Variants in HMCN2 observed in about 807,000 individuals in gnomAD.
HMCN2 encodes hemicentin 2.
HMCN2 carries 325 observed loss-of-function variants against 377.5 expected under a neutral mutation model. The observed-to-expected ratio is 0.86, with a 90% CI of 0.79 to 0.94. The LOEUF is 0.94. Among genes scored for constraint, HMCN2 ranks in the 40% least tolerant of loss-of-function variants. The pLI, the probability that HMCN2 is intolerant of heterozygous loss-of-function variation, is 0.00. For missense variants in HMCN2, 4,543 were observed against 4,725.3 expected (o/e 0.96, Z 1.13); for synonymous variants, 2,007 against 2,046.8 (o/e 0.98, Z 0.53).
At chr9:130,293,279 G>GTTTTTTTTTTTTGTTT (rs1835903149) in intron 4 of HMCN2, among the ~76,000 whole-genome samples, 1 of 57,126 alleles carries the variant, frequency 1.8e-5, no homozygotes, top group Non-Finnish European at 2.7e-5. Flanking sequence ...ACTCACTAAA[G>GTTTTTTTTTTTTGTTT]TTTTTTTTTT....
In HMCN2 at chr9:130,379,238, C is replaced by T; in HGVS notation, c.8213-11C>T. 1 of 979,092 alleles carries T rather than the reference C, an allele frequency of 1.0e-6. No homozygotes were observed. Among genetic ancestry groups the T allele is most frequent in the Non-Finnish European group, 1.2e-6 (1 of 823,866 alleles). 60.7% of individuals were successfully genotyped at this position (979,092 alleles called of 1,614,324 possible). A position where few individuals can be genotyped will look rare whatever the true frequency, so the allele number is the denominator to read the frequency against. On this transcript the variant is annotated splice_polypyrimidine_tract_variant and intron_variant, in intron 53 of 97. Coordinates refer to ENST00000683500, the MANE Select transcript of HMCN2 (RefSeq NM_001291815.2). ...GCTGTGCTTCCTAAGGGCTTTGTCT[C>T]CCCCACCCAGTGCCCCCCATGTTCC...
chr9:130,314,341 G>A (rs1031206604), intron 15 of HMCN2, among the ~76,000 whole-genome samples: 2 of 152,192 alleles, frequency 1.3e-5, no homozygotes, highest in African/African-American at 4.8e-5. Context: ...TAGGGGTCCA[G>A]GATGCTTTTC....
chr9:130,416,100 A>AT (rs34382467), intron 85 of HMCN2, among the ~76,000 whole-genome samples: 11,619 of 129,450 alleles, frequency 0.09, 827 homozygotes, highest in African/African-American at 0.14. Context: ...TAGAGGCTTT[A>AT]TTTTTTTTTT....
At chr9:130,312,821 A>G (rs879111434) in intron 15 of HMCN2, among the ~76,000 whole-genome samples, 67,295 of 150,794 alleles carry the variant, frequency 0.45, 15,837 homozygotes, top group Non-Finnish European at 0.53. Context: ...GTGCGTCACC[A>G]TGCCCAGCTA....
chr9:130,391,282 A>T lies in HMCN2; in HGVS notation c.9746A>T (p.Glu3249Val), dbSNP rs1842307537. The T allele has an allele frequency of 1.0e-6, 1 of 987,540 alleles. No individual in the cohort carries two copies. The highest frequency in any genetic ancestry group is 1.7e-5 in the African/African-American group (1 of 57,308). The allele number at this position is 987,540 out of a possible 1,614,324, so 61.2% of individuals were successfully genotyped here. A position where few individuals can be genotyped will look rare whatever the true frequency, so the allele number is the denominator to read the frequency against. Reference sequence around the variant, plus strand: ...GGGCAGGAGGTGCGGCTGGACTGTGAGGCCGATGGGCAGCCGCCGCCGGAC... The same window carrying T: ...GGGCAGGAGGTGCGGCTGGACTGTGTGGCCGATGGGCAGCCGCCGCCGGAC... ...LEGQEVRLDC[E>V]ADGQPPPDVA... The change falls in exon 64 of 98, where the codon GAG (glutamate) becomes GTG (valine). Residue 3249 changes from glutamate (E) to valine (V), a missense_variant. Physicochemically the swap from Glu to Val is moderately radical, Grantham distance 121. Transcript: ENST00000683500.
Position 130,408,840 on chromosome 9 carries a change from G to A in HMCN2, c.12786G>A (p.Pro4262=), listed in dbSNP as rs564433700. 4.3e-5 allele frequency: 56 copies of A among 1,289,740 alleles called. No individual in the cohort carries two copies. In the African/African-American group the frequency reaches 5.0e-4, roughly 12 times the overall value. The allele number at this position is 1,289,740 out of a possible 1,614,324, so 79.9% of individuals were successfully genotyped here. Residue 4262 remains proline, a synonymous_variant, in exon 84 of 98, where the codon CCG becomes CCA. Coordinates refer to ENST00000683500, the MANE Select transcript of HMCN2 (RefSeq NM_001291815.2). ...LDCVVRGDPV[P]DIHWIKDGLP... is the part of the protein sequence containing the mutation. Reference sequence around the variant, plus strand: ...GTGTGGTGCGTGGAGACCCAGTGCCGGACATCCACTGGATCAAAGATGGCC... The same window carrying A: ...GTGTGGTGCGTGGAGACCCAGTGCCAGACATCCACTGGATCAAAGATGGCC...
chr9:130,380,171 C>T (rs982040036), intron 54 of HMCN2, among the ~76,000 whole-genome samples: 28 of 152,242 alleles, frequency 1.8e-4, no homozygotes, highest in African/African-American at 5.3e-4. Context: ...TGAGCCACCA[C>T]GCTCAGCCAG....
At chr9:130,355,653 C>A in intron 32 of HMCN2, 93 bp from the exon 33 acceptor site, 1 of 659,952 alleles carries the variant, frequency 1.5e-6, no homozygotes, top group Non-Finnish European at 2.5e-6. Context: ...TGAGGTGCAG[C>A]TGGGCCTCGC....
In HMCN2 at chr9:130,407,720, C is replaced by T. The variant is rs1402322138; in HGVS notation, c.12688+15C>T. The T allele has an allele frequency of 8.4e-7, 1 of 1,194,538 alleles. No individual in the cohort carries two copies. The highest frequency in any genetic ancestry group is 1.6e-5 in the African/African-American group (1 of 61,958). 74.0% of individuals were successfully genotyped at this position (1,194,538 alleles called of 1,614,324 possible). A position where few individuals can be genotyped will look rare whatever the true frequency, so the allele number is the denominator to read the frequency against. ...CCACGTGAAGGGTAGGGCACATTCC[C>T]CAGGTGGCTTCTCTCTCAAGACCTC... On this transcript the variant is annotated intron_variant, in intron 83 of 97. Coordinates refer to ENST00000683500, the MANE Select transcript of HMCN2 (RefSeq NM_001291815.2).
chr9:130,354,830 G>A lies in HMCN2; in HGVS notation c.4932G>A (p.Val1644=). ...TGAAGGCTGTGGCTGGGAGGCCTGT[G>A]GCGCTGGAGTGCGTGGCCAGAGGCC... ...YVVKAVAGRP[V]ALECVARGHP... The change falls in exon 32 of 98, where the codon GTG becomes GTA. Residue 1644 remains valine, a synonymous_variant. Transcript: ENST00000683500. 1 of 1,304,232 alleles carries A rather than the reference G, an allele frequency of 7.7e-7. No individual in the cohort carries two copies. The highest frequency in any genetic ancestry group is 1.0e-6 in the Non-Finnish European group (1 of 988,918). 80.8% of individuals were successfully genotyped at this position (1,304,232 alleles called of 1,614,324 possible).
chr9:130,349,690 C>T (rs763948792), intron 29 of HMCN2, 27 bp downstream of exon 29: 27 of 1,295,936 alleles, frequency 2.1e-5, no homozygotes, highest in Non-Finnish European at 1.0e-5. Context: ...CCGAGGATGG[C>T]GTGTGGTGGT....
At chr9:130,348,869 G>A (rs577362144) in intron 27 of HMCN2, 115 bp from the exon 28 acceptor site, 15 of 1,206,510 alleles carry the variant, frequency 1.2e-5, no homozygotes, top group Non-Finnish European at 1.5e-5. Context: ...GTGGCAGAGA[G>A]CATGGCACCG....
At chr9:130,368,225 C>T (rs1840800979) in intron 43 of HMCN2, 51 bp from the exon 44 acceptor site, 2 of 974,622 alleles carry the variant, frequency 2.1e-6, no homozygotes, top group South Asian at 9.5e-5. Context: ...GGAAAGACAT[C>T]ACGTCCTTGC....
chr9:130,269,618 T>G (rs147223073), intron 1 of HMCN2, among the ~76,000 whole-genome samples: 1 of 148,624 alleles, frequency 6.7e-6, no homozygotes, highest in Non-Finnish European at 1.5e-5. Flanking sequence ...GAAAATGATA[T>G]CTTCTTGTTT....
At chr9:130,419,657 T>TC (rs1434599793) in intron 86 of HMCN2, 9 of 152,222 alleles carry the variant, frequency 5.9e-5, no homozygotes, top group Non-Finnish European at 8.8e-5. Context: ...TGGGGATGTG[T>TC]CCCCTTCCCT....
chr9:130,390,940 G>T, intron 62 of HMCN2, 37 bp from the exon 63 acceptor site: 3 of 985,982 alleles, frequency 3.0e-6, no homozygotes, highest in Non-Finnish European at 3.6e-6. Flanking sequence ...AGCACAAGAA[G>T]GGGCTGGGGG....
At chr9:130,388,873 G>A (rs765900543) in intron 62 of HMCN2, among the ~76,000 whole-genome samples, 7 of 152,312 alleles carry the variant, frequency 4.6e-5, no homozygotes, top group Middle Eastern at 3.4e-3. Flanking sequence ...GCTGACACTG[G>A]GCTCAGCATT....
At chr9:130,421,541 C>T (rs1261649628) in intron 86 of HMCN2, among the ~76,000 whole-genome samples, 1 of 152,130 alleles carries the variant, frequency 6.6e-6, no homozygotes, top group Admixed American at 6.5e-5. Flanking sequence ...GCTTGCCTGC[C>T]GTGCCTGGGT....
At chr9:130,420,630 C>T (rs1307370898) in intron 86 of HMCN2, among the ~76,000 whole-genome samples, 1 of 151,908 alleles carries the variant, frequency 6.6e-6, no homozygotes, top group Non-Finnish European at 1.5e-5. Context: ...GGTCTCTCTC[C>T]CAGGGTCTTG....
Sources: gnomAD v4.1 joint callset for allele counts (sites outside exome capture counted in the v4.1 genomes callset) on GRCh38, gnomAD v4.1.1 for gene constraint, MANE v1.5 for transcripts, NCBI Gene and HGNC (gene_info 2026-07-23, HGNC 2026-07-21) for gene names.